Variants in MAPK10 observed in about 807,000 individuals in gnomAD.
MAPK10 encodes JNK3 alpha protein kinase.
In MAPK10, 25 loss-of-function variants were observed where a neutral mutation model predicts 59.3. That is an observed-to-expected ratio of 0.42 (90% CI 0.31 to 0.59). The LOEUF (loss-of-function observed/expected upper bound fraction) is 0.59. Ranked by LOEUF, MAPK10 falls within the 20% of genes least tolerant of loss-of-function variation. MAPK10 has a pLI of 0.15. For synonymous variants in MAPK10, 190 were observed against 200.5 expected (o/e 0.95, Z 0.44); for missense variants, 351 against 568.9 (o/e 0.62, Z 3.90).
At chr4:86,265,148 C>T (rs2094180236) in intron 2 of MAPK10, among the ~76,000 whole-genome samples, 2 of 152,136 alleles carry the variant, frequency 1.3e-5, no homozygotes, top group African/African-American at 4.8e-5. Context: ...CTCGGCCTCC[C>T]AATGACCCTG....
intron 2 of MAPK10, among the ~76,000 whole-genome samples, chr4:86,291,148 A>G (rs1317332662): frequency 6.6e-6 from 1 of 152,238 alleles, no homozygotes; most frequent in Non-Finnish European, 1.5e-5. Context: ...TGTGCATGAT[A>G]GCAAAAACAT....
At chr4:86,479,690 T>C (rs1753426247) in intron 1 of MAPK10, among the ~76,000 whole-genome samples, 1 of 152,144 alleles carries the variant, frequency 6.6e-6, no homozygotes, top group Non-Finnish European at 1.5e-5. Context: ...GGCAGGGCTA[T>C]GCTGAACTTC....
intron 3 of MAPK10, among the ~76,000 whole-genome samples, chr4:86,190,040 G>A (rs1352782023): frequency 3.3e-5 from 5 of 152,124 alleles, no homozygotes; most frequent in Admixed American, 3.3e-4. Flanking sequence ...TTTCTGTGAT[G>A]GATTACATTT....
At chr4:86,286,371 T>A (rs2095010844) in intron 2 of MAPK10, among the ~76,000 whole-genome samples, 1 of 152,110 alleles carries the variant, frequency 6.6e-6, no homozygotes, top group Admixed American at 6.6e-5. Flanking sequence ...TTCTGTTATT[T>A]CTCTCTCCCA....
intron 11 of MAPK10, chr4:86,031,681 C>T (rs1334318968): frequency 7.4e-6 from 3 of 406,688 alleles, no homozygotes; most frequent in Non-Finnish European, 1.3e-5. Context: ...CCCGAGAGCT[C>T]ACTTTCCGAC....
At chr4:86,513,076 C>G (rs1756404112) in intron 1 of MAPK10, among the ~76,000 whole-genome samples, 1 of 150,958 alleles carries the variant, frequency 6.6e-6, no homozygotes, top group Non-Finnish European at 1.5e-5. Context: ...CTTTTCTTTT[C>G]TTTTTTTTTA....
At chr4:86,271,593 ATAAAGACATACCCTAAACTGGG>A (rs2094435292) in intron 2 of MAPK10, among the ~76,000 whole-genome samples, 1 of 151,982 alleles carries the variant, frequency 6.6e-6, no homozygotes, top group Non-Finnish European at 1.5e-5. Context: ...CACGCTGCTA[ATAAAGACATACCCTAAACTGGG>A]TGATTTATTA....
chr4:86,428,573 T>TAGATAGAC (rs1231202613), intron 1 of MAPK10, among the ~76,000 whole-genome samples: 2 of 152,168 alleles, frequency 1.3e-5, no homozygotes, highest in South Asian at 2.1e-4. Context: ...GATAGATAGA[T>TAGATAGAC]AGATAGACAG....
At chr4:86,145,082 T>A (rs1179242080) in intron 4 of MAPK10, among the ~76,000 whole-genome samples, 1 of 152,188 alleles carries the variant, frequency 6.6e-6, no homozygotes, top group African/African-American at 2.4e-5. Flanking sequence ...AGCAGAAAAG[T>A]GGCAATTTTA....
At chr4:86,243,199 A>C (rs926082242) in intron 2 of MAPK10, among the ~76,000 whole-genome samples, 1 of 151,852 alleles carries the variant, frequency 6.6e-6, no homozygotes, top group African/African-American at 2.4e-5. Flanking sequence ...TTTCCATGGG[A>C]GCCTCCCAAC....
intron 1 of MAPK10, among the ~76,000 whole-genome samples, chr4:86,367,043 G>A (rs1168663858): frequency 6.6e-6 from 1 of 152,168 alleles, no homozygotes; most frequent in Admixed American, 6.5e-5. Context: ...TTGAGAGATA[G>A]CAACTGTGAA....
At chr4:86,046,768 C>T (rs553767436) in intron 11 of MAPK10, among the ~76,000 whole-genome samples, 2 of 152,026 alleles carry the variant, frequency 1.3e-5, no homozygotes, top group African/African-American at 4.8e-5. Context: ...CCATTAACAT[C>T]CTGAGCTTTA....
At chr4:86,517,361 C>T (rs865946594) in intron 1 of MAPK10, among the ~76,000 whole-genome samples, 4 of 149,390 alleles carry the variant, frequency 2.7e-5, no homozygotes, top group South Asian at 2.1e-4. Flanking sequence ...CTGCAAGCTC[C>T]GCCTCCCGGG....
At chr4:86,276,942 T>C (rs1381253619) in intron 2 of MAPK10, 3 of 152,176 alleles carry the variant, frequency 2.0e-5, no homozygotes, top group African/African-American at 7.2e-5. Flanking sequence ...ACCATTGCTA[T>C]AAACTGCTTC....
chr4:86,137,414 C>T (rs1464206971), intron 4 of MAPK10, among the ~76,000 whole-genome samples: 5 of 139,810 alleles, frequency 3.6e-5, no homozygotes, highest in African/African-American at 5.8e-5. Flanking sequence ...GGAAACTGAA[C>T]AACCTGCTCC....
chr4:86,017,102 A>G lies in MAPK10; in HGVS notation c.*126T>C. 2 of 1,046,792 alleles carry G rather than the reference A, an allele frequency of 1.9e-6. No homozygotes were observed. The highest frequency in any genetic ancestry group is 2.8e-6 in the Non-Finnish European group (2 of 719,410). 64.8% of individuals were successfully genotyped at this position (1,046,792 alleles called of 1,614,324 possible). ...AAGATTTATTTAATTTTAGGCTTGG[A>G]TTCTCTCCCTTGCTGTTTTCTTGAT... On this transcript the variant is annotated 3_prime_UTR_variant, in exon 14 of 14. Coordinates refer to ENST00000641462, the MANE Select transcript of MAPK10 (RefSeq NM_138982.4). The surrounding 1 kb of genome is among the most constrained non-coding windows in gnomAD (Gnocchi z 4.4).
intron 2 of MAPK10, among the ~76,000 whole-genome samples, chr4:86,313,935 T>C (rs1380417030): frequency 1.3e-5 from 2 of 152,074 alleles, no homozygotes; most frequent in African/African-American, 2.4e-5. Context: ...GCAACACATA[T>C]GTTTATCAAC....
At chr4:86,135,750 A>G (rs945017115) in intron 4 of MAPK10, among the ~76,000 whole-genome samples, 10 of 152,094 alleles carry the variant, frequency 6.6e-5, no homozygotes, top group African/African-American at 2.4e-4. Context: ...CTATGGGAGG[A>G]CATTCAAACA....
intron 1 of MAPK10, among the ~76,000 whole-genome samples, chr4:86,464,423 G>A (rs766534292): frequency 6.6e-6 from 1 of 152,122 alleles, no homozygotes; most frequent in Non-Finnish European, 1.5e-5. Context: ...TTCTTCACAC[G>A]TGGTTCATTC....
Sources: gnomAD v4.1 joint callset for allele counts (sites outside exome capture counted in the v4.1 genomes callset) on GRCh38, gnomAD v4.1.1 for gene constraint, Gnocchi (gnomAD v3.1) non-coding constraint, MANE v1.5 for transcripts, NCBI Gene and HGNC (gene_info 2026-07-23, HGNC 2026-07-21) for gene names.